DLC1: variants seen among roughly 807,000 people sequenced by gnomAD.
The protein encoded by DLC1 is DLC1 Rho GTPase activating protein, also known as rho GTPase-activating protein 7.
DLC1 carries 54 observed loss-of-function variants against 140.3 expected under a neutral mutation model. That is an observed-to-expected ratio of 0.38 (90% CI 0.31 to 0.48). DLC1 has a LOEUF of 0.48. Among genes scored for constraint, DLC1 ranks in the 20% least tolerant of loss-of-function variants. The pLI, the probability that DLC1 is intolerant of heterozygous loss-of-function variation, is 0.96. For missense variants in DLC1, 2,536 were observed against 1,907.0 expected (o/e 1.33, Z -6.14); for synonymous variants, 986 against 728.1 (o/e 1.35, Z -5.70).
intron 3 of DLC1, among the ~76,000 whole-genome samples, chr8:13,395,165 G>A (rs931231294): frequency 4.7e-5 from 7 of 149,482 alleles, no homozygotes; most frequent in Non-Finnish European, 8.9e-5. Flanking sequence ...CCGTCGCCCC[G>A]GCTGGAGTGC....
intron 2 of DLC1, among the ~76,000 whole-genome samples, chr8:13,493,352 G>A (rs542176176): frequency 1.4e-4 from 22 of 152,166 alleles, no homozygotes; most frequent in African/African-American, 5.1e-4. Flanking sequence ...CATTAGTCTG[G>A]AGGCTTGGCT....
At chr8:13,376,435 C>T (rs17215216) in intron 4 of DLC1, among the ~76,000 whole-genome samples, 20,284 of 152,094 alleles carry the variant, frequency 0.13, 1,516 homozygotes, top group Non-Finnish European at 0.17. Context: ...GGTTGACTCC[C>T]GGAATCCCAC....
In DLC1 at chr8:13,588,883, G is replaced by T. The variant is rs1195857474; in HGVS notation, c.-126+15654C>A. ...TTTTGTAACAAAGCTCATAGTTTTG[G>T]GATAAGTGAGGAGGGAGAAGGTCAC... On this transcript the variant is annotated intron_variant, in intron 1 of 1. Transcript: ENST00000631382. 4.6e-5 allele frequency among the ~76,000 whole-genome samples: 7 copies of T among 152,086 alleles called. No homozygotes were observed. In the East Asian group the frequency reaches 1.2e-3, roughly 25 times the overall value.
chr8:13,266,316 T>A (rs557418816), intron 5 of DLC1, among the ~76,000 whole-genome samples: 66 of 152,336 alleles, frequency 4.3e-4, no homozygotes, highest in Middle Eastern at 3.4e-3. Context: ...TCTTACCTGG[T>A]ACTCATGGCT....
At chr8:13,095,630 A>G (rs1335531735) in intron 10 of DLC1, 1 of 192,134 alleles carries the variant, frequency 5.2e-6, no homozygotes, top group African/African-American at 2.3e-5. Flanking sequence ...AAGCTGATGG[A>G]TTTCCTTACA....
chr8:13,454,249 C>A (rs1482407697), intron 2 of DLC1, among the ~76,000 whole-genome samples: 1 of 151,486 alleles, frequency 6.6e-6, no homozygotes, highest in African/African-American at 2.4e-5. Context: ...AAAAAAAAAT[C>A]TTGTAAAGAA....
At chr8:13,579,202 G>A (rs908559323) in intron 1 of DLC1, among the ~76,000 whole-genome samples, 1 of 126,816 alleles carries the variant, frequency 7.9e-6, no homozygotes, top group Non-Finnish European at 1.6e-5. Flanking sequence ...TCCTAGCACC[G>A]CCGCATAAAA....
intron 2 of DLC1, among the ~76,000 whole-genome samples, chr8:13,458,830 G>GAA (rs60250229): frequency 1.0e-3 from 147 of 145,792 alleles, no homozygotes; most frequent in Admixed American, 4.7e-3. Flanking sequence ...TCTTCATTTG[G>GAA]AAAAAAAAAA....
At chr8:13,163,343 C>T in intron 5 of DLC1, among the ~76,000 whole-genome samples, 1 of 152,104 alleles carries the variant, frequency 6.6e-6, no homozygotes, top group East Asian at 1.9e-4. Context: ...GAACATAATT[C>T]ATCTAGTGTT....
chr8:13,410,640 G>A (rs574786062), intron 2 of DLC1, among the ~76,000 whole-genome samples: 1 of 145,862 alleles, frequency 6.9e-6, no homozygotes, highest in African/African-American at 2.5e-5. Context: ...AAAGAAATGA[G>A]CAAGACCATT....
At chr8:13,268,521 G>T (rs1373953033) in intron 5 of DLC1, among the ~76,000 whole-genome samples, 1 of 152,096 alleles carries the variant, frequency 6.6e-6, no homozygotes, top group Admixed American at 6.5e-5. Flanking sequence ...AGTATTTGGG[G>T]CTACAGGTGC....
At chr8:13,266,162 A>G (rs1468833703) in intron 5 of DLC1, among the ~76,000 whole-genome samples, 10 of 152,270 alleles carry the variant, frequency 6.6e-5, no homozygotes, top group Admixed American at 2.6e-4. Flanking sequence ...ACTCTTGTAC[A>G]TAAATTGGAA....
At chr8:13,481,867 T>C (rs1800751976) in intron 2 of DLC1, among the ~76,000 whole-genome samples, 1 of 152,012 alleles carries the variant, frequency 6.6e-6, no homozygotes, top group African/African-American at 2.4e-5. Flanking sequence ...AAGGGGGAAA[T>C]ATGGACATAG....
chr8:13,581,489 C>T (rs1805096942), intron 1 of DLC1, among the ~76,000 whole-genome samples: 1 of 152,312 alleles, frequency 6.6e-6, no homozygotes, highest in South Asian at 2.1e-4. Context: ...TTTTCTTTCT[C>T]TGATGTACTA....
In DLC1 at chr8:13,431,149, C is replaced by T. The variant is rs1838843494; in HGVS notation, c.1024-29530G>A. ...AAAAGAAAATGTATTGGTGACATAA[C>T]TGAGAAGTCCAAGAGGATGACTGAG... is the stretch of plus-strand genomic sequence containing the variant. On this transcript the variant is annotated intron_variant, in intron 2 of 17. Coordinates refer to ENST00000276297, the MANE Select transcript of DLC1 (RefSeq NM_182643.3). 1.3e-5 allele frequency among the ~76,000 whole-genome samples: 2 copies of T among 152,070 alleles called. 1 individual carries two copies. The highest frequency in any genetic ancestry group is 4.1e-4 in the South Asian group (2 of 4,822).
chr8:13,315,582 A>G (rs1024064421), intron 4 of DLC1, among the ~76,000 whole-genome samples: 4 of 152,228 alleles, frequency 2.6e-5, no homozygotes, highest in Non-Finnish European at 5.9e-5. Flanking sequence ...GCGTTTGATA[A>G]CATGGTAACT....
At chr8:13,309,092 T>C (rs550717537) in intron 4 of DLC1, among the ~76,000 whole-genome samples, 1 of 152,202 alleles carries the variant, frequency 6.6e-6, no homozygotes, top group Non-Finnish European at 1.5e-5. Flanking sequence ...AAAAGGCATA[T>C]TTTTGAATCC....
At chr8:13,327,147 G>A (rs943212820) in intron 4 of DLC1, among the ~76,000 whole-genome samples, 1 of 45,460 alleles carries the variant, frequency 2.2e-5, no homozygotes, top group African/African-American at 7.2e-5. Context: ...TTTTTTTTTT[G>A]TATTTTTAGC....
chr8:13,582,205 C>G (rs1805127303), intron 1 of DLC1, among the ~76,000 whole-genome samples: 1 of 152,234 alleles, frequency 6.6e-6, no homozygotes, highest in South Asian at 2.1e-4. Context: ...GAGATTTTCT[C>G]TTTTAAGGAA....
Sources: allele counts gnomAD v4.1 joint callset (sites outside exome capture counted in the v4.1 genomes callset), GRCh38; gene constraint gnomAD v4.1.1; transcripts MANE v1.5; gene names NCBI Gene and HGNC (gene_info 2026-07-23, HGNC 2026-07-21).